The following OCA2 variants were observed in gnomAD, a reference collection of about 807,000 sequenced individuals.
OCA2 encodes OCA2 melanosomal transmembrane protein.
Under a neutral mutation model 100.2 loss-of-function variants are expected in OCA2, and 77 were observed. The ratio of observed to expected loss-of-function variants is 0.77; its 90% CI spans 0.64 to 0.93. The LOEUF is 0.93. OCA2 is among the 40% of genes least tolerant of loss of function. The pLI, the probability that OCA2 is intolerant of heterozygous loss-of-function variation, is 0.00. For missense variants in OCA2, 1,062 were observed against 1,089.1 expected, an observed-to-expected ratio of 0.98 and a Z score of 0.35; for synonymous variants, 432 against 439.2, an observed-to-expected ratio of 0.98 and a Z score of 0.21.
Position 27,926,155 on chromosome 15 carries a change from A to C in OCA2, c.2051T>G (p.Phe684Cys), listed in dbSNP as rs772754008. Residue 684 changes from phenylalanine (F) to cysteine (C), a missense_variant, in exon 19 of 24, where the codon TTT (phenylalanine) becomes TGT (cysteine). Transcript: ENST00000354638. ...CATCAGAACAAAGAGCGCTGCAAAA[A>C]ACAGAAGGGTTGCCCATTCCACTCT... ...LHRVEWATLL[F>C]FAALFVLMEA... The C allele has an allele frequency of 4.9e-5, 79 of 1,614,026 alleles. No individual in the cohort carries two copies. The highest frequency in any genetic ancestry group is 6.6e-5 in the Non-Finnish European group (78 of 1,180,002).
intron 22 of OCA2, among the ~76,000 whole-genome samples, chr15:27,847,559 C>T (rs141155671): frequency 7.2e-5 from 11 of 151,894 alleles, no homozygotes; most frequent in Admixed American, 2.0e-4. Flanking sequence ...CAGGAGGCCA[C>T]GGAGAGGAGC....
chr15:27,984,318 C>T (rs2041270324), intron 13 of OCA2, among the ~76,000 whole-genome samples: 1 of 152,116 alleles, frequency 6.6e-6, no homozygotes, highest in Non-Finnish European at 1.5e-5. Context: ...TGGTGCTCTA[C>T]AGCTCCCCAG....
intron 23 of OCA2, among the ~76,000 whole-genome samples, chr15:27,816,207 A>G (rs1358376708): frequency 6.6e-6 from 1 of 152,216 alleles, no homozygotes; most frequent in Non-Finnish European, 1.5e-5. Flanking sequence ...CCTGAAAGGG[A>G]ACTTACATTA....
At chr15:27,888,339 TTATTTA>T (rs2037314826) in intron 19 of OCA2, among the ~76,000 whole-genome samples, 2 of 152,210 alleles carry the variant, frequency 1.3e-5, no homozygotes, top group African/African-American at 4.8e-5. Flanking sequence ...AATAAAACAG[TTATTTA>T]TGACTCAGAG....
At chr15:27,781,582 A>G (rs947262410) in intron 23 of OCA2, among the ~76,000 whole-genome samples, 6 of 152,162 alleles carry the variant, frequency 3.9e-5, no homozygotes, top group African/African-American at 1.4e-4. Context: ...AAATCTTTTT[A>G]TTTCTTTTGT....
intron 19 of OCA2, among the ~76,000 whole-genome samples, chr15:27,921,204 A>G (rs760614766): frequency 3.0e-4 from 46 of 152,314 alleles, no homozygotes; most frequent in Non-Finnish European, 6.0e-4. Flanking sequence ...CCTCAAAAGC[A>G]GTAACAGAAA....
chr15:27,875,505 C>A lies in OCA2; in HGVS notation c.2080-3583G>T, dbSNP rs141631938. 2.7e-3 allele frequency among the ~76,000 whole-genome samples: 409 copies of A among 152,140 alleles called. 2 individuals carry two copies. Among genetic ancestry groups the A allele is most frequent in the African/African-American group, 9.5e-3 (395 of 41,536 alleles). On this transcript the variant is annotated intron_variant, in intron 19 of 23. Transcript: ENST00000354638. The stretch of plus-strand genomic sequence containing the variant: ...TATTTGAATTTAGTCCTTTGAATGT[C>A]TACATAAATTGTGTAATTAGCTTGT...
At chr15:27,921,346 A>C (rs2140334872) in intron 19 of OCA2, among the ~76,000 whole-genome samples, 1 of 146,790 alleles carries the variant, frequency 6.8e-6, no homozygotes, top group East Asian at 1.9e-4. Context: ...ATTCTATATA[A>C]GTGAAACAAA....
intron 1 of OCA2, among the ~76,000 whole-genome samples, chr15:28,085,633 A>G (rs2044764006): frequency 1.3e-5 from 2 of 152,146 alleles, no homozygotes; most frequent in African/African-American, 4.8e-5. Flanking sequence ...TGCCAGGTAC[A>G]GTGGAGCCCA....
At chr15:28,044,041 T>C (rs1436486464) in intron 2 of OCA2, among the ~76,000 whole-genome samples, 4 of 152,220 alleles carry the variant, frequency 2.6e-5, no homozygotes, top group Non-Finnish European at 4.4e-5. Flanking sequence ...CCATATGTTA[T>C]TGGATGAAGC....
intron 23 of OCA2, among the ~76,000 whole-genome samples, chr15:27,789,568 T>C (rs763345940): frequency 2.6e-5 from 4 of 152,138 alleles, no homozygotes; most frequent in African/African-American, 4.8e-5. Context: ...GCCTCTCAAG[T>C]ACAGATGCAG....
At chr15:27,951,082 A>T (rs1047162929) in intron 18 of OCA2, among the ~76,000 whole-genome samples, 1 of 152,176 alleles carries the variant, frequency 6.6e-6, no homozygotes, top group African/African-American at 2.4e-5. Flanking sequence ...TGTGAAATTG[A>T]TAAGAAACGC....
chr15:27,872,990 G>A (rs1404684185), intron 19 of OCA2, among the ~76,000 whole-genome samples: 2 of 152,196 alleles, frequency 1.3e-5, no homozygotes, highest in Non-Finnish European at 2.9e-5. Context: ...GTGCCGGCCA[G>A]CTTGTCCAAG....
chr15:27,878,435 G>T (rs976158931), intron 19 of OCA2, among the ~76,000 whole-genome samples: 1 of 152,096 alleles, frequency 6.6e-6, no homozygotes, highest in African/African-American at 2.4e-5. Flanking sequence ...ATCTGAGAAT[G>T]TCTCTCTTTT....
intron 19 of OCA2, among the ~76,000 whole-genome samples, chr15:27,923,247 A>T (rs1445893334): frequency 6.6e-6 from 1 of 152,220 alleles, no homozygotes; most frequent in Non-Finnish European, 1.5e-5. Flanking sequence ...TATCCAGTCT[A>T]CCACTGAAGG....
At chr15:27,978,417 TTATC>T (rs1421308938) in intron 14 of OCA2, among the ~76,000 whole-genome samples, 2 of 152,214 alleles carry the variant, frequency 1.3e-5, no homozygotes, top group Non-Finnish European at 2.9e-5. Context: ...AATTAAGGAT[TTATC>T]TATTCCTCCT....
intron 17 of OCA2, among the ~76,000 whole-genome samples, chr15:27,954,757 C>G (rs1447173412): frequency 6.6e-6 from 1 of 152,136 alleles, no homozygotes; most frequent in Non-Finnish European, 1.5e-5. Flanking sequence ...CCATCGGCAG[C>G]ACACTCACGC....
chr15:27,770,246 C>T (rs1477205426), intron 23 of OCA2, among the ~76,000 whole-genome samples: 2 of 152,174 alleles, frequency 1.3e-5, no homozygotes, highest in Admixed American at 6.5e-5. Context: ...GCGGGGGCTC[C>T]GCGGGGTCCG....
intron 23 of OCA2, among the ~76,000 whole-genome samples, chr15:27,760,927 T>G (rs2030783333): frequency 6.6e-6 from 1 of 151,968 alleles, no homozygotes; most frequent in African/African-American, 2.4e-5. Context: ...TATTTTATGA[T>G]CCCTGTATTA....
Sources: gnomAD v4.1 joint callset for allele counts (sites outside exome capture counted in the v4.1 genomes callset) on GRCh38, gnomAD v4.1.1 for gene constraint, MANE v1.5 for transcripts, NCBI Gene and HGNC (gene_info 2026-07-23, HGNC 2026-07-21) for gene names.